Variants in RNF111 observed in about 807,000 individuals in gnomAD.
RNF111 encodes ring finger protein 111, also known as E3 ubiquitin-protein ligase Arkadia.
A neutral mutation model predicts 95.1 loss-of-function variants in RNF111; 17 were observed. The observed-to-expected ratio is 0.18, with a 90% CI of 0.12 to 0.27. RNF111 has a LOEUF of 0.27. RNF111 is among the 10% of genes least tolerant of loss of function. RNF111 has a pLI of 1.00. For synonymous variants in RNF111, 440 were observed against 414.8 expected (o/e 1.06, Z -0.74); for missense variants, 1,189 against 1,210.4 (o/e 0.98, Z 0.26).
At chr15:59,061,971 T>C (rs1274021920) in intron 5 of RNF111, among the ~76,000 whole-genome samples, 1 of 152,136 alleles carries the variant, frequency 6.6e-6, no homozygotes, top group Non-Finnish European at 1.5e-5. Context: ...ATTTCATAAC[T>C]GTAAGTGTTG....
intron 5 of RNF111, among the ~76,000 whole-genome samples, chr15:59,065,597 C>T (rs2042620969): frequency 6.6e-6 from 1 of 152,118 alleles, no homozygotes; most frequent in Non-Finnish European, 1.5e-5. Context: ...GTTTCTTTTC[C>T]CACTGTGTGA....
At chr15:59,007,406 G>T (rs1008120870) in intron 1 of RNF111, among the ~76,000 whole-genome samples, 1 of 151,958 alleles carries the variant, frequency 6.6e-6, no homozygotes, top group Non-Finnish European at 1.5e-5. Context: ...TGTATCAGTA[G>T]TTCCTTCTTT....
rs191586333 is a variant in RNF111 at position 59,007,148 on chromosome 15, C to G, written c.-20+19080C>G. Among the ~76,000 whole-genome samples the G allele has an allele frequency of 1.5e-4, 23 of 152,294 alleles. 1 individual carries two copies. Among genetic ancestry groups the G allele is most frequent in the Non-Finnish European group, 3.2e-4 (22 of 68,036 alleles). ...ACCATTTAAGTTTTGCCAAATGCAT[C>G]TATTTATTGCCCAAATCCTTATGAA... On this transcript the variant is annotated intron_variant, in intron 1 of 13. Coordinates refer to ENST00000348370, the MANE Select transcript of RNF111 (RefSeq NM_017610.8).
chr15:59,080,778 A>G (rs2078717343), intron 7 of RNF111, among the ~76,000 whole-genome samples, 158 bp from the exon 8 acceptor site: 2 of 152,212 alleles, frequency 1.3e-5, no homozygotes, highest in South Asian at 4.1e-4. Flanking sequence ...GTAAGAAGGG[A>G]GCAAGTTGCT....
In RNF111 at chr15:59,085,738, G is replaced by T. The variant is rs775998043; in HGVS notation, c.2503G>T (p.Ala835Ser). Residue 835 changes from alanine (A) to serine (S), a missense_variant, in exon 10 of 14, where the codon GCA becomes TCA. Around this residue, in one of 2 missense-constraint regions of RNF111, gnomAD observed 165 missense variants for 284.6 expected, o/e 0.58. Transcript: ENST00000348370. ...GCATCCTCACTTGGCCCATTATCAC[G>T]CACCTCCTCGACTTCATCACTTACA... ...ALHPHLAHYH[A>S]PPRLHHLQLG... is the part of the protein sequence containing the mutation. The T allele has an allele frequency of 1.9e-5, 31 of 1,613,174 alleles. No homozygotes were observed. The African/African-American group carries it at 2.4e-4, about 13-fold the overall frequency.
intron 1 of RNF111, among the ~76,000 whole-genome samples, chr15:59,022,695 T>C (rs1261646010): frequency 6.6e-6 from 1 of 152,214 alleles, no homozygotes; most frequent in Non-Finnish European, 1.5e-5. Flanking sequence ...TAAATCATTC[T>C]TCCAATGTCT....
chr15:59,086,375 TC>T (rs1459323061), intron 10 of RNF111, among the ~76,000 whole-genome samples: 1 of 152,228 alleles, frequency 6.6e-6, no homozygotes, highest in Non-Finnish European at 1.5e-5. Flanking sequence ...CACCTTGGCC[TC>T]CCAAAGTGCT....
intron 5 of RNF111, among the ~76,000 whole-genome samples, chr15:59,061,355 A>C (rs185383269): frequency 6.6e-6 from 1 of 152,200 alleles, no homozygotes; most frequent in East Asian, 1.9e-4. Context: ...CCTCACATTC[A>C]AGCCATCTAG....
chr15:59,064,740 T>C (rs1255325044), intron 5 of RNF111, among the ~76,000 whole-genome samples: 1 of 151,838 alleles, frequency 6.6e-6, no homozygotes, highest in East Asian at 1.9e-4. Context: ...TAGGCCAGAC[T>C]AGCAGCTTGG....
intron 5 of RNF111, among the ~76,000 whole-genome samples, chr15:59,060,256 C>G (rs1335152362): frequency 6.6e-6 from 1 of 151,706 alleles, no homozygotes; most frequent in African/African-American, 2.4e-5. Flanking sequence ...ATACTCTTTT[C>G]TTAGCTTGTT....
chr15:59,058,214 CTT>C (rs2042278987), intron 4 of RNF111, 140 bp from the exon 5 acceptor site: 1 of 670,058 alleles, frequency 1.5e-6, no homozygotes, highest in East Asian at 2.8e-5. Flanking sequence ...TTTGTGAACG[CTT>C]TCTTTACCAA....
intron 1 of RNF111, among the ~76,000 whole-genome samples, chr15:58,996,905 TCTC>T (rs1188969460): frequency 2.6e-5 from 4 of 152,104 alleles, no homozygotes; most frequent in African/African-American, 7.2e-5. Flanking sequence ...ACTCTCCTAA[TCTC>T]CTAGTTGTAC....
chr15:59,093,514 G>A (rs769071484), intron 13 of RNF111: 1 of 371,208 alleles, frequency 2.7e-6, no homozygotes, highest in South Asian at 1.9e-5. Context: ...CTCGGCTATA[G>A]CATCTTTTAT....
chr15:59,089,496 GA>G (rs1277622072), intron 10 of RNF111, among the ~76,000 whole-genome samples, 170 bp from the exon 11 acceptor site: 8 of 152,194 alleles, frequency 5.3e-5, no homozygotes, highest in Non-Finnish European at 1.2e-4. Flanking sequence ...TATTTTAACA[GA>G]AACCTAAACC....
intron 2 of RNF111, chr15:59,049,441 C>A: frequency 4.8e-6 from 1 of 208,770 alleles, no homozygotes; most frequent in South Asian, 8.4e-5. Flanking sequence ...GTTCAGGCTC[C>A]TGTCCATTGG....
In RNF111 at chr15:59,090,296, C is replaced by G. The variant is rs189142077; in HGVS notation, c.2643+537C>G. Among the ~76,000 whole-genome samples, 680 of 152,284 alleles carry G rather than the reference C, an allele frequency of 4.5e-3. 3 individuals carry two copies. The highest frequency in any genetic ancestry group is 6.0e-3 in the Non-Finnish European group (407 of 68,020). ...CCAGACTGGAGTGCAGTTGCACAAT[C>G]TCAGCTCACTGCAACCTGCGCCTCC... On this transcript the variant is annotated intron_variant, in intron 11 of 13. Transcript: ENST00000348370.
At chr15:59,093,441 G>A (rs1309066113) in intron 13 of RNF111, 5 of 444,652 alleles carry the variant, frequency 1.1e-5, no homozygotes, top group Middle Eastern at 3.3e-4. Context: ...CACCTCCTGG[G>A]CTGAAGCGAT....
At chr15:59,067,119 C>T (rs759988227) in intron 6 of RNF111, 36 bp downstream of exon 6, 16 of 1,525,962 alleles carry the variant, frequency 1.0e-5, no homozygotes, top group Admixed American at 6.8e-5. Flanking sequence ...CTTTCCTGCC[C>T]CTCTTGTCTC....
intron 2 of RNF111, among the ~76,000 whole-genome samples, chr15:59,043,023 T>C (rs545252552): frequency 1.3e-4 from 20 of 152,320 alleles, no homozygotes; most frequent in African/African-American, 4.6e-4. Flanking sequence ...GATGTCTTCA[T>C]TTGTTGATGT....
Sources: gnomAD v4.1 joint callset for allele counts (sites outside exome capture counted in the v4.1 genomes callset) on GRCh38, gnomAD v4.1.1 for gene constraint, gnomAD v4.1.1 regional missense constraint, MANE v1.5 for transcripts, NCBI Gene and HGNC (gene_info 2026-07-23, HGNC 2026-07-21) for gene names.